Variants in CSGALNACT1 observed in about 807,000 individuals in gnomAD.
CSGALNACT1 encodes the protein chondroitin sulfate N-acetylgalactosaminyltransferase 1.
A neutral mutation model predicts 51.0 loss-of-function variants in CSGALNACT1; 52 were observed. The observed-to-expected ratio is 1.02, with a 90% CI of 0.82 to 1.29. CSGALNACT1 has a LOEUF of 1.29. Among genes scored for constraint, CSGALNACT1 ranks in the 50% most tolerant of loss-of-function variants. CSGALNACT1 has a pLI of 0.00. For missense variants in CSGALNACT1, 935 were observed against 679.2 expected, an observed-to-expected ratio of 1.38 and a Z score of -4.19; for synonymous variants, 341 against 254.4, an observed-to-expected ratio of 1.34 and a Z score of -3.24.
chr8:19,466,249 C>A (rs1025600953), intron 4 of CSGALNACT1, among the ~76,000 whole-genome samples: 1 of 152,174 alleles, frequency 6.6e-6, no homozygotes, highest in Admixed American at 6.5e-5. Context: ...AACCAACTGA[C>A]AGAAGGGAGA....
At chr8:19,666,886 AG>A (rs1251669340) in intron 1 of CSGALNACT1, among the ~76,000 whole-genome samples, 7 of 134,228 alleles carry the variant, frequency 5.2e-5, no homozygotes, top group African/African-American at 1.4e-4. Context: ...AGAAAGAAAG[AG>A]AGAGAGGAAG....
chr8:19,748,343 T>C (rs377016651), intron 1 of CSGALNACT1, among the ~76,000 whole-genome samples: 2 of 152,180 alleles, frequency 1.3e-5, no homozygotes, highest in African/African-American at 2.4e-5. Context: ...CCAAGCACCT[T>C]ATCATAGCGA....
intron 5 of CSGALNACT1, among the ~76,000 whole-genome samples, chr8:19,456,231 A>G: frequency 6.6e-6 from 1 of 152,218 alleles, no homozygotes; most frequent in Non-Finnish European, 1.5e-5. Flanking sequence ...TATATACCCA[A>G]GAGAATCCTG....
chr8:19,656,537 A>G (rs192467071), intron 1 of CSGALNACT1, among the ~76,000 whole-genome samples: 1 of 151,380 alleles, frequency 6.6e-6, no homozygotes, highest in Non-Finnish European at 1.5e-5. Context: ...CTTAAAACAC[A>G]CACGTGTACG....
intron 3 of CSGALNACT1, among the ~76,000 whole-genome samples, chr8:19,585,564 G>A (rs984372123): frequency 6.6e-6 from 1 of 152,192 alleles, no homozygotes; most frequent in African/African-American, 2.4e-5. Flanking sequence ...CATCAGAGAA[G>A]CCTGTGGCTG....
At chr8:19,473,075 G>A (rs1373373521) in intron 4 of CSGALNACT1, among the ~76,000 whole-genome samples, 4 of 152,094 alleles carry the variant, frequency 2.6e-5, no homozygotes, top group Non-Finnish European at 5.9e-5. Flanking sequence ...TACTTCACTT[G>A]CTCTACCGGC....
intron 1 of CSGALNACT1, among the ~76,000 whole-genome samples, chr8:19,611,918 T>C (rs1486089345): frequency 6.6e-6 from 1 of 151,966 alleles, no homozygotes; most frequent in African/African-American, 2.4e-5. Context: ...TGTCTCCTGC[T>C]TGGATCTGTT....
intron 6 of CSGALNACT1, among the ~76,000 whole-genome samples, chr8:19,438,194 G>A (rs2060699750): frequency 6.6e-6 from 1 of 151,738 alleles, no homozygotes; most frequent in Non-Finnish European, 1.5e-5. Flanking sequence ...CCGGGGCGGG[G>A]GTCGGGGGGC....
chr8:19,545,692 A>C (rs1333804763), intron 3 of CSGALNACT1, among the ~76,000 whole-genome samples: 2 of 151,994 alleles, frequency 1.3e-5, no homozygotes, highest in African/African-American at 4.8e-5. Context: ...GGTTAATGCG[A>C]AACTATAACT....
At chr8:19,566,351 A>T (rs939575811) in intron 3 of CSGALNACT1, among the ~76,000 whole-genome samples, 6 of 151,792 alleles carry the variant, frequency 4.0e-5, no homozygotes, top group African/African-American at 1.5e-4. Flanking sequence ...TCTTCAGAGG[A>T]AGCGTGGCCC....
intron 1 of CSGALNACT1, among the ~76,000 whole-genome samples, chr8:19,721,312 C>G (rs1388468062): frequency 6.6e-6 from 1 of 152,206 alleles, no homozygotes; most frequent in Non-Finnish European, 1.5e-5. Flanking sequence ...CTCAAGCCCT[C>G]TGCCTACTCC....
At chr8:19,561,345 A>C (rs1385803415) in intron 3 of CSGALNACT1, among the ~76,000 whole-genome samples, 1 of 152,222 alleles carries the variant, frequency 6.6e-6, no homozygotes, top group Non-Finnish European at 1.5e-5. Context: ...CAAACGTGTA[A>C]ATTTCAGAGC....
At chr8:19,714,245 G>C (rs932241336) in intron 1 of CSGALNACT1, among the ~76,000 whole-genome samples, 1 of 152,100 alleles carries the variant, frequency 6.6e-6, no homozygotes, top group African/African-American at 2.4e-5. Context: ...TTGAAAAGCA[G>C]CCTATACTTA....
chr8:19,510,037 A>G (rs1302910574), intron 3 of CSGALNACT1, among the ~76,000 whole-genome samples: 1 of 152,196 alleles, frequency 6.6e-6, no homozygotes, highest in Non-Finnish European at 1.5e-5. Context: ...AGGGAGATAC[A>G]TAATTCCCGT....
chr8:19,742,925 T>C (rs989572791), intron 1 of CSGALNACT1, among the ~76,000 whole-genome samples: 20 of 152,356 alleles, frequency 1.3e-4, no homozygotes, highest in African/African-American at 4.3e-4. Context: ...TCTTTGCCTC[T>C]CTGAGCTTTG....
At chr8:19,719,312 C>G (rs1454279451) in intron 1 of CSGALNACT1, among the ~76,000 whole-genome samples, 1 of 152,140 alleles carries the variant, frequency 6.6e-6, no homozygotes, top group Non-Finnish European at 1.5e-5. Context: ...CTTTCCCATG[C>G]CTGGCACAGA....
chr8:19,720,654 G>A (rs2063069657), intron 1 of CSGALNACT1, among the ~76,000 whole-genome samples: 1 of 152,104 alleles, frequency 6.6e-6, no homozygotes, highest in Non-Finnish European at 1.5e-5. Context: ...AAGACATCAT[G>A]CTGATTCTCT....
chr8:19,642,048 A>T (rs2056799265), intron 1 of CSGALNACT1: 1 of 152,200 alleles, frequency 6.6e-6, no homozygotes, highest in Non-Finnish European at 1.5e-5. Flanking sequence ...TAGGAAGAGT[A>T]CTGAAAACTA....
chr8:19,563,016 T>C (rs758064037), intron 3 of CSGALNACT1, among the ~76,000 whole-genome samples: 2 of 152,040 alleles, frequency 1.3e-5, no homozygotes, highest in Non-Finnish European at 2.9e-5. Context: ...AGCAAAGACA[T>C]AGAATCAACC....
Sources: allele counts gnomAD v4.1 joint callset (sites outside exome capture counted in the v4.1 genomes callset), GRCh38; gene constraint gnomAD v4.1.1; transcripts MANE v1.5; gene names NCBI Gene and HGNC (gene_info 2026-07-23, HGNC 2026-07-21).